COL17A1: variants seen among roughly 807,000 people sequenced by gnomAD.
The protein encoded by COL17A1 is collagen type XVII alpha 1 chain.
Under a neutral mutation model 218.4 loss-of-function variants are expected in COL17A1, and 181 were observed. The observed-to-expected ratio is 0.83, with a 90% confidence interval of 0.73 to 0.94. The LOEUF (loss-of-function observed/expected upper bound fraction) is 0.94, where lower values mean the gene tolerates loss of function less well. Ranked by LOEUF, COL17A1 falls within the 40% of genes least tolerant of loss-of-function variation. The pLI, the probability that COL17A1 is intolerant of heterozygous loss-of-function variation, is 0.00. For missense variants in COL17A1, 1,924 were observed against 1,945.9 expected (o/e 0.99, Z 0.21); for synonymous variants, 721 against 731.0 (o/e 0.99, Z 0.22).
In COL17A1 at chr10:104,039,619, A is replaced by G; in HGVS notation, c.2810T>C (p.Phe937Ser). ...GHQGEQGLPG[F>S]STSGSSSFGL... ...GGTTCAGCCCTTACCTGAGGTTGAGAAACCTGGGAGGCCTTGCTCGCCTGA... is the reference window on the plus strand; with the variant it reads ...GGTTCAGCCCTTACCTGAGGTTGAGGAACCTGGGAGGCCTTGCTCGCCTGA... Residue 937 changes from phenylalanine to serine, a missense_variant, in exon 42 of 56, where the codon TTC (phenylalanine) becomes TCC (serine). By Grantham distance (155) the Phe-to-Ser change is radical (BLOSUM62 -2). Transcript: ENST00000648076. The G allele has an allele frequency of 6.2e-7, 1 of 1,614,126 alleles. No individual in the cohort carries two copies. Among genetic ancestry groups the G allele is most frequent in the Non-Finnish European group, 8.5e-7 (1 of 1,180,012 alleles).
At chr10:104,045,020 C>G (rs1043438933) in intron 33 of COL17A1, among the ~76,000 whole-genome samples, 1 of 152,116 alleles carries the variant, frequency 6.6e-6, no homozygotes, top group African/African-American at 2.4e-5. Context: ...AGTGACTGCT[C>G]ATGACAGAGC....
chr10:104,055,214 A>T, intron 19 of COL17A1, 158 bp downstream of exon 19: 1 of 1,449,648 alleles, frequency 6.9e-7, no homozygotes, highest in Non-Finnish European at 9.6e-7. Context: ...AGATATTCTG[A>T]CTCTAAAACC....
intron 33 of COL17A1, 56 bp downstream of exon 33, chr10:104,045,702 C>T (rs1169183282): frequency 7.0e-7 from 1 of 1,434,402 alleles, no homozygotes; most frequent in African/African-American, 1.4e-5. Context: ...TCCATCCCTT[C>T]CTTCCACAAA....
chr10:104,059,931 G>A (rs2086566956), intron 14 of COL17A1, among the ~76,000 whole-genome samples, 188 bp downstream of exon 14: 1 of 152,100 alleles, frequency 6.6e-6, no homozygotes, highest in East Asian at 1.9e-4. Flanking sequence ...CTCTTTGCCT[G>A]AATTTTCTCA....
chr10:104,045,963 G>C (rs1460030680), intron 32 of COL17A1, among the ~76,000 whole-genome samples, 170 bp from the exon 33 acceptor site: 1 of 152,182 alleles, frequency 6.6e-6, no homozygotes, highest in Non-Finnish European at 1.5e-5. Context: ...GGAGCCTCTT[G>C]CTCTGAGCCC....
chr10:104,076,947 G>A (rs2086716185), intron 4 of COL17A1, among the ~76,000 whole-genome samples: 1 of 152,172 alleles, frequency 6.6e-6, no homozygotes, highest in Non-Finnish European at 1.5e-5. Context: ...TTGCCCAGTG[G>A]AATCTTGCAC....
intron 9 of COL17A1, among the ~76,000 whole-genome samples, chr10:104,069,858 G>A (rs542157607): frequency 1.3e-5 from 2 of 152,118 alleles, no homozygotes; most frequent in Admixed American, 6.5e-5. Flanking sequence ...CCACTGAAAC[G>A]TGACAACGAA....
chr10:104,055,482 A>AC lies in COL17A1; in HGVS notation c.1688-82_1688-81insG, dbSNP rs57382788. ...CACACACACACACACACACACACAC[A>AC]ATAAGGGGATCATGGTATGGGAAGA... On this transcript the variant is annotated intron_variant, in intron 18 of 55. Transcript: ENST00000648076. 803 of 1,462,362 alleles carry AC rather than the reference A, an allele frequency of 5.5e-4. 8 individuals carry two copies. The highest frequency in any genetic ancestry group is 2.7e-3 in the African/African-American group (186 of 69,696). The allele number at this position is 1,462,362 out of a possible 1,614,324, so 90.6% of individuals were successfully genotyped here.
rs56844895 is a variant in COL17A1 at position 104,033,608 on chromosome 10, T to C, written c.4157-233A>G. Among the ~76,000 whole-genome samples, 7,071 of 152,302 alleles carry C rather than the reference T, an allele frequency of 0.046. 545 individuals carry two copies. Among genetic ancestry groups the C allele is most frequent in the African/African-American group, 0.16 (6,700 of 41,518 alleles). ...TGACTGCGTAACTGTGCCGTTAAGC[T>C]GCGCGGGGAAAGGACTCTTAGCCAA... is the stretch of plus-strand genomic sequence containing the variant. On this transcript the variant is annotated intron_variant, in intron 52 of 55. Coordinates refer to ENST00000648076, the MANE Select transcript of COL17A1 (RefSeq NM_000494.4).
Position 104,034,087 on chromosome 10 carries a change from G to A in COL17A1, c.4014C>T (p.Gly1338=), listed in dbSNP as rs2086244783. The A allele has an allele frequency of 1.9e-6, 3 of 1,613,974 alleles. No individual in the cohort carries two copies. Among genetic ancestry groups the A allele is most frequent in the Admixed American group, 1.7e-5 (1 of 60,014 alleles). ...GEAAGDRGPY[G]TDIGPGGGYG... The stretch of plus-strand genomic sequence containing the variant: ...AGCCTCCGCCTGGGCCGATGTCAGT[G>A]CCATAGGGACCCCTGTCTCCTGCAG... Residue 1338 remains glycine (G), a synonymous_variant, in exon 52 of 56, where the codon GGC becomes GGT. Coordinates refer to ENST00000648076, the MANE Select transcript of COL17A1 (RefSeq NM_000494.4).
At chr10:104,039,014 A>G in intron 44 of COL17A1, 57 bp downstream of exon 44, 3 of 1,517,248 alleles carry the variant, frequency 2.0e-6, no homozygotes, top group East Asian at 2.3e-5. Context: ...CCTCACTGGA[A>G]TGATCAGCCT....
intron 11 of COL17A1, chr10:104,063,524 C>T: frequency 1.5e-6 from 1 of 648,676 alleles, no homozygotes; most frequent in Non-Finnish European, 2.7e-6. Flanking sequence ...AAGGCGCCAC[C>T]TTAGAATACG....
At chr10:104,072,955 G>T (rs2134649781) in intron 7 of COL17A1, among the ~76,000 whole-genome samples, 1 of 152,274 alleles carries the variant, frequency 6.6e-6, no homozygotes, top group East Asian at 1.9e-4. Context: ...CAAGACAAAT[G>T]ATGCCCCACA....
At position 104,035,486 on chromosome 10, in the gene COL17A1, AGAG is replaced by A. The variant is rs747079793; in HGVS notation, c.3493_3495del (p.Leu1165del). On this transcript the variant is annotated inframe_deletion, in exon 49 of 56. Transcript: ENST00000648076. Reference sequence around the variant, plus strand: ...TGCTGGGCCTTACCTCGCAGCAAGGAGAGGAGCTCCTCATAGGAGGTTCCCGGC... The same window carrying A: ...TGCTGGGCCTTACCTCGCAGCAAGGAGAGCTCCTCATAGGAGGTTCCCGGC... 21 of 1,613,946 alleles carry A rather than the reference AGAG, an allele frequency of 1.3e-5. No homozygotes were observed. The highest frequency in any genetic ancestry group is 1.8e-5 in the Non-Finnish European group (21 of 1,179,946).
At chr10:104,071,547 T>C (rs2086669318) in intron 8 of COL17A1, among the ~76,000 whole-genome samples, 1 of 152,218 alleles carries the variant, frequency 6.6e-6, no homozygotes, top group South Asian at 2.1e-4. Context: ...TTCAAATTCT[T>C]ATACTCTACT....
intron 35 of COL17A1, 79 bp downstream of exon 35, chr10:104,043,422 G>C (rs1160780965): frequency 7.5e-7 from 1 of 1,341,032 alleles, no homozygotes; most frequent in African/African-American, 1.4e-5. Flanking sequence ...CTGGGTTTCA[G>C]GATCTGAAGA....
At chr10:104,038,610 T>G in intron 44 of COL17A1, 82 bp from the exon 45 acceptor site, 1 of 1,565,964 alleles carries the variant, frequency 6.4e-7, no homozygotes, top group Non-Finnish European at 8.7e-7. Flanking sequence ...TTCCATGGTC[T>G]GAGGAGGGAG....
chr10:104,055,905 C>T lies in COL17A1; in HGVS notation c.1564G>A (p.Asp522Asn), dbSNP rs1406423348. 5 of 1,614,212 alleles carry T rather than the reference C, an allele frequency of 3.1e-6. No individual in the cohort carries two copies. Among genetic ancestry groups the T allele is most frequent in the Non-Finnish European group, 2.5e-6 (3 of 1,180,034 alleles). Residue 522 changes from aspartate (D) to asparagine (N), a missense_variant, in exon 18 of 56, where the codon GAC becomes AAC. Physicochemically the swap from Asp to Asn is conservative, Grantham distance 23 (BLOSUM62 1). Coordinates refer to ENST00000648076, the MANE Select transcript of COL17A1 (RefSeq NM_000494.4). ...GCGGGTGCCATGCCCTGGAGGCGGT[C>T]CTTTTCTATTCTATCCATGCTGTCC... ...YGDSMDRIEKDRLQGMAPAAG... is the reference protein window; with the variant it reads ...YGDSMDRIEKNRLQGMAPAAG...
chr10:104,078,616 T>C (rs769364648), intron 2 of COL17A1, 30 bp from the exon 3 acceptor site: 3 of 1,613,974 alleles, frequency 1.9e-6, no homozygotes, highest in South Asian at 1.1e-5. Flanking sequence ...AGATGAGTTC[T>C]TATGTAATGC....
Sources: allele counts gnomAD v4.1 joint callset (sites outside exome capture counted in the v4.1 genomes callset), GRCh38; gene constraint gnomAD v4.1.1; transcripts MANE v1.5; gene names NCBI Gene and HGNC (gene_info 2026-07-23, HGNC 2026-07-21).